Variants in SFI1 observed in about 807,000 individuals in gnomAD.
SFI1 encodes the protein protein SFI1 homolog.
SFI1 carries 195 observed loss-of-function variants against 207.5 expected under a neutral mutation model. The ratio of observed to expected loss-of-function variants is 0.94; its 90% CI spans 0.84 to 1.06. The LOEUF is 1.06. SFI1 is among the 50% of genes least tolerant of loss of function. The probability of loss-of-function intolerance (pLI) is 0.00; values close to 1 mark genes in which losing one functional copy is unlikely to be tolerated. For synonymous variants in SFI1, 630 were observed against 598.9 expected, an observed-to-expected ratio of 1.05 and a Z score of -0.76; for missense variants, 1,634 against 1,588.0, an observed-to-expected ratio of 1.03 and a Z score of -0.49.
intron 6 of SFI1, among the ~76,000 whole-genome samples, chr22:31,556,552 C>T (rs1156629662): frequency 6.6e-6 from 1 of 152,166 alleles, no homozygotes; most frequent in East Asian, 1.9e-4. Flanking sequence ...AATGAACCTC[C>T]ATGTATCCAT....
chr22:31,513,311 A>G (rs770569861), intron 2 of SFI1, among the ~76,000 whole-genome samples: 3 of 151,894 alleles, frequency 2.0e-5, no homozygotes, highest in Non-Finnish European at 4.4e-5. Context: ...GTAATGCACC[A>G]CCATGTCTGG....
chr22:31,516,443 G>T (rs972004183), intron 2 of SFI1, among the ~76,000 whole-genome samples: 2 of 151,796 alleles, frequency 1.3e-5, no homozygotes, highest in African/African-American at 4.8e-5. Context: ...AACCTGTGAG[G>T]TGGGGGTTAC....
chr22:31,592,861 AC>A (rs1220086234), intron 15 of SFI1, among the ~76,000 whole-genome samples: 10 of 100,562 alleles, frequency 9.9e-5, no homozygotes, highest in African/African-American at 1.4e-4. Context: ...GGGGGGGCTG[AC>A]CCCCCCATCT....
intron 12 of SFI1, among the ~76,000 whole-genome samples, chr22:31,581,153 G>C (rs977316360): frequency 8.6e-5 from 13 of 150,802 alleles, no homozygotes; most frequent in Admixed American, 7.9e-4. Flanking sequence ...GCTAATTTTT[G>C]TATTTTTTGT....
At chr22:31,613,280 G>A in intron 25 of SFI1, 64 bp downstream of exon 25, 5 of 1,607,698 alleles carry the variant, frequency 3.1e-6, no homozygotes, top group Middle Eastern at 1.7e-4. Flanking sequence ...TGCCTTGGGT[G>A]GAGGGAGGGC....
intron 4 of SFI1, among the ~76,000 whole-genome samples, chr22:31,541,736 T>C (rs1283385229): frequency 1.7e-4 from 13 of 77,718 alleles, no homozygotes; most frequent in African/African-American, 2.6e-4. Flanking sequence ...AGAACAAGAC[T>C]CCATCTCAAA....
chr22:31,542,115 A>AAG (rs1442111089), intron 4 of SFI1, among the ~76,000 whole-genome samples: 16 of 150,336 alleles, frequency 1.1e-4, no homozygotes, highest in Middle Eastern at 3.4e-3. Flanking sequence ...AAAAAAAAAA[A>AAG]AAAAAGAAAT....
At chr22:31,526,968 C>G (rs998116644) in intron 2 of SFI1, among the ~76,000 whole-genome samples, 6 of 152,096 alleles carry the variant, frequency 3.9e-5, no homozygotes, top group African/African-American at 1.4e-4. Flanking sequence ...AATGGCATGG[C>G]TCACCGCAAC....
At chr22:31,580,422 T>G (rs867401428) in intron 12 of SFI1, 58 bp downstream of exon 12, 7 of 1,434,316 alleles carry the variant, frequency 4.9e-6, no homozygotes, top group Middle Eastern at 3.5e-4. Context: ...CTCTCGCTCT[T>G]TTTTTCAGTC....
At chr22:31,551,064 T>C (rs1025933505) in intron 6 of SFI1, among the ~76,000 whole-genome samples, 5 of 152,188 alleles carry the variant, frequency 3.3e-5, no homozygotes, top group African/African-American at 1.2e-4. Context: ...GAGGCATCAC[T>C]TGCAATCATC....
chr22:31,613,961 G>T (rs546109383), intron 27 of SFI1, 106 bp downstream of exon 27: 7 of 1,390,552 alleles, frequency 5.0e-6, no homozygotes, highest in Admixed American at 2.7e-5. Flanking sequence ...GGCTGGTCAC[G>T]GCCTTGTCAC....
intron 4 of SFI1, among the ~76,000 whole-genome samples, chr22:31,537,628 C>A (rs1337186462): frequency 6.6e-6 from 1 of 152,168 alleles, no homozygotes; most frequent in African/African-American, 2.4e-5. Flanking sequence ...CGCCTGTAGG[C>A]CTCAGTTTTG....
rs985140087 is a variant in SFI1 at position 31,526,568 on chromosome 22, TTTG to T, written c.93-2109_93-2107del. Among the ~76,000 whole-genome samples the T allele has an allele frequency of 8.5e-5, 13 of 152,210 alleles. No individual in the cohort carries two copies. In the South Asian group the frequency reaches 2.3e-3, roughly 27 times the overall value. On this transcript the variant is annotated intron_variant, in intron 2 of 32. Transcript: ENST00000400288. Reference sequence around the variant, plus strand: ...AGCTAAACCATATCAATACCTATGTTTTGTTGTTGTTGTTGAGACAAGAGTGTC... The same window carrying T: ...AGCTAAACCATATCAATACCTATGTTTTGTTGTTGTTGAGACAAGAGTGTC...
intron 3 of SFI1, among the ~76,000 whole-genome samples, chr22:31,529,341 A>G (rs981476485): frequency 6.6e-6 from 1 of 152,152 alleles, no homozygotes; most frequent in Admixed American, 6.6e-5. Flanking sequence ...TGAGGTCAGG[A>G]GTTTGAGACC....
chr22:31,522,107 G>A (rs550607488), intron 2 of SFI1, among the ~76,000 whole-genome samples: 78 of 117,430 alleles, frequency 6.6e-4, no homozygotes, highest in Middle Eastern at 0.017. Context: ...TTGCTCTGTC[G>A]CCCAGGCTCG....
intron 8 of SFI1, among the ~76,000 whole-genome samples, chr22:31,572,532 G>A (rs1178781564): frequency 1.3e-5 from 2 of 151,826 alleles, no homozygotes; most frequent in African/African-American, 2.4e-5. Context: ...TGAGTTGGTC[G>A]CTCTTGTCGC....
At chr22:31,609,446 C>T (rs2069678887) in intron 22 of SFI1, among the ~76,000 whole-genome samples, 2 of 152,144 alleles carry the variant, frequency 1.3e-5, no homozygotes, top group South Asian at 2.1e-4. Context: ...GAATCTGACA[C>T]GCTGAAGGGG....
intron 21 of SFI1, 70 bp from the exon 22 acceptor site, chr22:31,607,867 C>CA: frequency 7.0e-7 from 1 of 1,433,592 alleles, no homozygotes; most frequent in Admixed American, 1.7e-5. Context: ...GAGCCACCGT[C>CA]ACAGACCTGG....
intron 15 of SFI1, among the ~76,000 whole-genome samples, chr22:31,593,099 C>T (rs1360649371): frequency 2.0e-5 from 3 of 147,016 alleles, no homozygotes; most frequent in African/African-American, 7.6e-5. Flanking sequence ...CCCCCACCTC[C>T]CTCCCGGATG....
Sources: gnomAD v4.1 joint callset for allele counts (sites outside exome capture counted in the v4.1 genomes callset) on GRCh38, gnomAD v4.1.1 for gene constraint, MANE v1.5 for transcripts, NCBI Gene and HGNC (gene_info 2026-07-23, HGNC 2026-07-21) for gene names.